Variants in EMCN observed in about 807,000 individuals in gnomAD.
The protein encoded by EMCN is endomucin.
Under a neutral mutation model 38.4 loss-of-function variants are expected in EMCN, and 37 were observed. The ratio of observed to expected loss-of-function variants is 0.96; its 90% CI spans 0.74 to 1.27. The LOEUF is 1.27. EMCN is among the 50% of genes most tolerant of loss of function. The pLI, the probability that EMCN is intolerant of heterozygous loss-of-function variation, is 0.00. For synonymous variants in EMCN, 95 were observed against 100.8 expected, an observed-to-expected ratio of 0.94 and a Z score of 0.35; for missense variants, 318 against 302.8, an observed-to-expected ratio of 1.05 and a Z score of -0.37.
intron 1 of EMCN, among the ~76,000 whole-genome samples, chr4:100,507,426 T>G (rs1015713773): frequency 6.6e-6 from 1 of 152,178 alleles, no homozygotes; most frequent in African/African-American, 2.4e-5. Flanking sequence ...CTGAAAGCCC[T>G]AGACTCTAAC....
intron 2 of EMCN, among the ~76,000 whole-genome samples, chr4:100,477,261 TAAAA>T (rs61342458): frequency 0.26 from 39,399 of 152,082 alleles, 5,569 homozygotes; most frequent in African/African-American, 0.36. Flanking sequence ...CTTTTTAACT[TAAAA>T]AAATTAAATT....
Position 100,422,996 on chromosome 4 carries a change from G to A in EMCN, c.568+25C>T, listed in dbSNP as rs189275756. 112 of 1,609,346 alleles carry A rather than the reference G, an allele frequency of 7.0e-5. 1 individual carries two copies. In the African/African-American group the frequency reaches 1.0e-3, roughly 15 times the overall value. ...AAACATTCTGCATATCTACTGCCATGAATGAAGGCATTGCTGTTACTCACT... is the reference window on the plus strand; with the variant it reads ...AAACATTCTGCATATCTACTGCCATAAATGAAGGCATTGCTGTTACTCACT... On this transcript the variant is annotated intron_variant, in intron 7 of 11. Coordinates refer to ENST00000296420, the MANE Select transcript of EMCN (RefSeq NM_016242.4).
chr4:100,434,611 A>G (rs981245677), intron 5 of EMCN, among the ~76,000 whole-genome samples: 7 of 152,206 alleles, frequency 4.6e-5, no homozygotes, highest in African/African-American at 1.4e-4. Context: ...ATGAACATCA[A>G]TGCAAAAATC....
chr4:100,497,386 T>TG (rs1328538953), intron 1 of EMCN, among the ~76,000 whole-genome samples: 2 of 151,918 alleles, frequency 1.3e-5, no homozygotes, highest in Non-Finnish European at 2.9e-5. Flanking sequence ...TTTGTTTGTT[T>TG]TTTTTTTTGA....
chr4:100,408,032 G>C (rs538090750), intron 11 of EMCN, among the ~76,000 whole-genome samples: 4 of 152,092 alleles, frequency 2.6e-5, no homozygotes, highest in Non-Finnish European at 5.9e-5. Context: ...TACTTCCAAT[G>C]TGTTATGAAA....
At position 100,475,659 on chromosome 4, in the gene EMCN, C is replaced by CTTT. The variant is rs869169290; in HGVS notation, c.188-553_188-551dup. ...TTGAGGGCAGTATCCAATTCTAGTC[C>CTTT]TTTTTTTTTTTTTTTTTTTTTTTTT... On this transcript the variant is annotated intron_variant, in intron 2 of 11. Transcript: ENST00000296420. 2.2e-3 allele frequency among the ~76,000 whole-genome samples: 135 copies of CTTT among 60,262 alleles called. 5 individuals carry two copies. Among genetic ancestry groups the CTTT allele is most frequent in the African/African-American group, 0.011 (126 of 11,830 alleles). 39.5% of individuals were successfully genotyped at this position (60,262 alleles called of 152,430 possible).
At chr4:100,495,998 T>A (rs949707853) in intron 1 of EMCN, among the ~76,000 whole-genome samples, 1 of 152,130 alleles carries the variant, frequency 6.6e-6, no homozygotes, top group Non-Finnish European at 1.5e-5. Context: ...TGAAATTTCA[T>A]ATTGAAATAA....
chr4:100,446,097 C>T, intron 5 of EMCN: 1 of 985,294 alleles, frequency 1.0e-6, no homozygotes, highest in Non-Finnish European at 1.2e-6. Context: ...GGCTGCTTCC[C>T]AATTCTTCAA....
intron 11 of EMCN, among the ~76,000 whole-genome samples, chr4:100,406,121 T>G (rs1404766606): frequency 6.6e-6 from 1 of 152,084 alleles, no homozygotes; most frequent in Non-Finnish European, 1.5e-5. Context: ...TATTTGGATC[T>G]TCTCTTTTTT....
chr4:100,513,330 G>A (rs1560648437), intron 1 of EMCN, among the ~76,000 whole-genome samples: 2 of 152,104 alleles, frequency 1.3e-5, no homozygotes, highest in East Asian at 1.9e-4. Context: ...TGTGGATTAA[G>A]CTCAACAGAA....
intron 7 of EMCN, among the ~76,000 whole-genome samples, chr4:100,422,386 G>T (rs1726912865): frequency 6.6e-6 from 1 of 151,902 alleles, no homozygotes; most frequent in Non-Finnish European, 1.5e-5. Context: ...ACTTAATAGA[G>T]CCTTTTATAA....
At chr4:100,477,615 A>G (rs187826586) in intron 2 of EMCN, among the ~76,000 whole-genome samples, 2 of 152,366 alleles carry the variant, frequency 1.3e-5, no homozygotes, top group Admixed American at 1.3e-4. Flanking sequence ...AGACATAAGC[A>G]CTACTAGACC....
At chr4:100,418,294 T>C (rs1268373734) in intron 8 of EMCN, among the ~76,000 whole-genome samples, 2 of 152,168 alleles carry the variant, frequency 1.3e-5, no homozygotes, top group Non-Finnish European at 2.9e-5. Flanking sequence ...TAGATGTAGA[T>C]ATTTATGGGG....
chr4:100,479,945 GACA>G lies in EMCN; in HGVS notation c.156_158del (p.Val53del), dbSNP rs554726981. 9.7e-5 allele frequency: 156 copies of G among 1,608,762 alleles called. 1 individual carries two copies. Among genetic ancestry groups the G allele is most frequent in the Non-Finnish European group, 1.2e-4 (143 of 1,177,750 alleles). Reference sequence around the variant, plus strand: ...TAGGAGTTGTTCCAGTTGTTGGTGTGACAACATTTTTCTGTAATGATTCTGTGT... The same window carrying G: ...TAGGAGTTGTTCCAGTTGTTGGTGTGACATTTTTCTGTAATGATTCTGTGT... On this transcript the variant is annotated inframe_deletion, in exon 2 of 12. Transcript: ENST00000296420.
intron 11 of EMCN, among the ~76,000 whole-genome samples, chr4:100,399,435 T>C (rs1462288021): frequency 6.6e-6 from 1 of 152,056 alleles, no homozygotes; most frequent in Non-Finnish European, 1.5e-5. Context: ...AGTTCTTTGA[T>C]AGGGATGGCC....
rs73833313 is a variant in EMCN, at chr4:100,410,131, T to C, written c.*39+151A>G. ...CATTTTTTGGCAATTTTTGTTAGAG[T>C]TTGTTTTTAGACAAATAGACAATGA... On this transcript the variant is annotated intron_variant, in intron 11 of 11. Transcript: ENST00000296420. Among the ~76,000 whole-genome samples, 1,494 of 152,290 alleles carry C rather than the reference T, an allele frequency of 9.8e-3. 14 individuals are homozygous for C. The highest frequency in any genetic ancestry group is 0.024 in the African/African-American group (980 of 41,552).
intron 5 of EMCN, among the ~76,000 whole-genome samples, chr4:100,430,943 C>T (rs551694243): frequency 4.6e-5 from 7 of 152,188 alleles, no homozygotes; most frequent in South Asian, 2.1e-4. Flanking sequence ...CCTAACTAAA[C>T]GACAATAGCA....
At chr4:100,470,133 A>C (rs1258227136) in intron 3 of EMCN, among the ~76,000 whole-genome samples, 1 of 152,042 alleles carries the variant, frequency 6.6e-6, no homozygotes, top group East Asian at 1.9e-4. Context: ...AAATTTTTGC[A>C]TACTCTGCAT....
At position 100,480,342 on chromosome 4, in the gene EMCN, C is replaced by G. The variant is rs1728773101; in HGVS notation, c.65-303G>C. On this transcript the variant is annotated intron_variant, in intron 1 of 11. Coordinates refer to ENST00000296420, the MANE Select transcript of EMCN (RefSeq NM_016242.4). ...TAATAATATTTTTAATCCAACGAAA[C>G]TAACCTTGCCAGATGAAATGCTTAA... Among the ~76,000 whole-genome samples, 5 of 152,058 alleles carry G rather than the reference C, an allele frequency of 3.3e-5. No individual in the cohort carries two copies. The South Asian group carries it at 1.0e-3, about 32-fold the overall frequency.
Sources: allele counts gnomAD v4.1 joint callset (sites outside exome capture counted in the v4.1 genomes callset), GRCh38; gene constraint gnomAD v4.1.1; transcripts MANE v1.5; gene names NCBI Gene and HGNC (gene_info 2026-07-23, HGNC 2026-07-21).